The following ZNF813 variants were observed in gnomAD, a reference collection of about 807,000 sequenced individuals.
The protein encoded by ZNF813 is zinc finger protein 813.
In ZNF813, 3 loss-of-function variants were observed where a neutral mutation model predicts 7.2. The ratio of observed to expected loss-of-function variants is 0.42; its 90% CI spans 0.19 to 1.08. The LOEUF (loss-of-function observed/expected upper bound fraction) is 1.08, where lower values mean the gene tolerates loss of function less well. Ranked by LOEUF, ZNF813 falls within the 50% of genes least tolerant of loss-of-function variation. The pLI, the probability that ZNF813 is intolerant of heterozygous loss-of-function variation, is 0.30. For missense variants in ZNF813, 714 were observed against 753.3 expected (o/e 0.95, Z 0.61); for synonymous variants, 227 against 256.3 (o/e 0.89, Z 1.09).
At chr19:53,472,629 T>TTTTTTTTTA (rs2086365100) in intron 1 of ZNF813, among the ~76,000 whole-genome samples, 1 of 149,736 alleles carries the variant, frequency 6.7e-6, no homozygotes, top group African/African-American at 2.5e-5. Flanking sequence ...TTTTTTTTTT[T>TTTTTTTTTA]GAGATGGAGT....
chr19:53,492,153 G>A lies in ZNF813; in HGVS notation c.*67G>A. 2 of 1,553,990 alleles carry A rather than the reference G, an allele frequency of 1.3e-6. No homozygotes were observed. The highest frequency in any genetic ancestry group is 3.9e-5 in the Admixed American group (2 of 51,170). ...GAAACAAGTGCAATGAGTGTGGCAA[G>A]ACCTTCTGTCACAATTCAGTCCTTG... On this transcript the variant is annotated 3_prime_UTR_variant, in exon 4 of 4. Transcript: ENST00000396403.
chr19:53,489,512 G>C (rs2086449230), intron 3 of ZNF813, among the ~76,000 whole-genome samples: 1 of 150,918 alleles, frequency 6.6e-6, no homozygotes, highest in Non-Finnish European at 1.5e-5. Flanking sequence ...TGAGGCAAGA[G>C]AATGGCTTGA....
chr19:53,470,697 C>G (rs34036177), intron 1 of ZNF813, among the ~76,000 whole-genome samples: 18,856 of 140,340 alleles, frequency 0.13, 1,709 homozygotes, highest in South Asian at 0.18. Flanking sequence ...TCTACTTTGT[C>G]TAAGTCTGGA....
Position 53,482,706 on chromosome 19 carries a change from CTTTTTGTTTT to C in ZNF813, c.-73-1038_-73-1029del, listed in dbSNP as rs1489646863. On this transcript the variant is annotated intron_variant, in intron 1 of 3. Transcript: ENST00000396403. Reference sequence around the variant, plus strand: ...CTCTGCATCAATCACATCAGGAATGCTTTTTGTTTTTTTTTTTTTTTTTTTTTTTTTTTGA... The same window carrying C: ...CTCTGCATCAATCACATCAGGAATGCTTTTTTTTTTTTTTTTTTTTTTTGA... Among the ~76,000 whole-genome samples, 224 of 91,478 alleles carry C rather than the reference CTTTTTGTTTT, an allele frequency of 2.4e-3. 7 individuals are homozygous for C. The highest frequency in any genetic ancestry group is 8.4e-3 in the African/African-American group (216 of 25,720). 60.0% of individuals were successfully genotyped at this position (91,478 alleles called of 152,430 possible). A position where few individuals can be genotyped will look rare whatever the true frequency, so the allele number is the denominator to read the frequency against.
Position 53,492,407 on chromosome 19 carries a change from A to T in ZNF813, c.*321A>T, listed in dbSNP as rs1001346972. ...GAAGAATATCACAGAGTTTTCAGTCACAAGTCAAACCTTGAAAGACATAAA... is the reference window on the plus strand; with the variant it reads ...GAAGAATATCACAGAGTTTTCAGTCTCAAGTCAAACCTTGAAAGACATAAA... On this transcript the variant is annotated 3_prime_UTR_variant, in exon 4 of 4. Coordinates refer to ENST00000396403, the MANE Select transcript of ZNF813 (RefSeq NM_001004301.4). 4 of 470,772 alleles carry T rather than the reference A, an allele frequency of 8.5e-6. No homozygotes were observed. Among genetic ancestry groups the T allele is most frequent in the Non-Finnish European group, 1.6e-5 (4 of 253,708 alleles). 29.2% of individuals were successfully genotyped at this position (470,772 alleles called of 1,614,324 possible).
At chr19:53,485,126 A>T (rs1423393840) in intron 2 of ZNF813, among the ~76,000 whole-genome samples, 2 of 151,470 alleles carry the variant, frequency 1.3e-5, no homozygotes, top group Admixed American at 6.6e-5. Flanking sequence ...GCTGTAAATT[A>T]AAAAAAAATA....
At chr19:53,469,299 A>G (rs1308475739) in intron 1 of ZNF813, among the ~76,000 whole-genome samples, 3 of 152,152 alleles carry the variant, frequency 2.0e-5, no homozygotes, top group African/African-American at 7.2e-5. Flanking sequence ...ACAAAGTAAC[A>G]GTCTGATTTC....
rs2086472270 is a variant in ZNF813 at position 53,493,274 on chromosome 19, T to G, written c.*1188T>G. ...AAAAACTGATAGGGATTTTTATGGG[T>G]ACCGTGTTGAATCTAAATCACATTG... On this transcript the variant is annotated 3_prime_UTR_variant, in exon 4 of 4. Transcript: ENST00000396403. The G allele has an allele frequency of 5.5e-6, 1 of 183,106 alleles. No homozygotes were observed. The highest frequency in any genetic ancestry group is 5.7e-5 in the Admixed American group (1 of 17,616). 11.3% of individuals were successfully genotyped at this position (183,106 alleles called of 1,614,324 possible). A position where few individuals can be genotyped will look rare whatever the true frequency, so the allele number is the denominator to read the frequency against.
chr19:53,481,091 A>G (rs1380685174), intron 1 of ZNF813, among the ~76,000 whole-genome samples: 1 of 152,076 alleles, frequency 6.6e-6, no homozygotes, highest in Non-Finnish European at 1.5e-5. Context: ...ATTTATATGG[A>G]ACATGTTCTG....
At chr19:53,479,304 T>C in intron 1 of ZNF813, 9 of 1,569,902 alleles carry the variant, frequency 5.7e-6, no homozygotes, top group Non-Finnish European at 7.8e-6. Flanking sequence ...CAATGCCGAA[T>C]GGAGGAGGCA....
chr19:53,480,304 G>A (rs2147157921), intron 1 of ZNF813: 2 of 699,954 alleles, frequency 2.9e-6, no homozygotes, highest in South Asian at 1.4e-5. Context: ...GAGAACCTTT[G>A]CAAACAACAT....
intron 1 of ZNF813, among the ~76,000 whole-genome samples, chr19:53,469,549 G>GA (rs1202701424): frequency 1.3e-5 from 2 of 151,894 alleles, no homozygotes; most frequent in Admixed American, 1.3e-4. Flanking sequence ...CAACGAAAGT[G>GA]AAAAAAATAT....
At chr19:53,481,341 A>ATTTTTTTT (rs1180229389) in intron 1 of ZNF813, among the ~76,000 whole-genome samples, 3 of 89,210 alleles carry the variant, frequency 3.4e-5, no homozygotes, top group African/African-American at 1.8e-4. Context: ...GCACCCATGT[A>ATTTTTTTT]TTCTTTTTTT....
Position 53,490,964 on chromosome 19 carries a change from AT to A in ZNF813, c.733del (p.Cys245ValfsTer14). 6.2e-7 allele frequency: 1 copy of A among 1,614,194 alleles called. No individual in the cohort carries two copies. The highest frequency in any genetic ancestry group is 8.5e-7 in the Non-Finnish European group (1 of 1,180,022). ...TCCATTTAGGAGAGAAACAATATAA[AT>A]GTGATGTATGTGGCAAGGTCTTTAA... is the stretch of plus-strand genomic sequence containing the variant. ...IIHLGEKQYK[C>X]DVCGKVFNRK... is the part of the protein sequence containing the mutation. On this transcript the variant is annotated frameshift_variant, in exon 4 of 4. Coordinates refer to ENST00000396403, the MANE Select transcript of ZNF813 (RefSeq NM_001004301.4). LOFTEE classifies it low-confidence loss of function (END_TRUNC).
Position 53,469,145 on chromosome 19 carries a change from A to G in ZNF813, c.-74+1356A>G, listed in dbSNP as rs146971087. On this transcript the variant is annotated intron_variant, in intron 1 of 3. Transcript: ENST00000396403. ...GCACACCCTGCACAGCCCTAAATCCATTAAACCTTGATTCAATACAGCACA... is the reference window on the plus strand; with the variant it reads ...GCACACCCTGCACAGCCCTAAATCCGTTAAACCTTGATTCAATACAGCACA... 8.1e-3 allele frequency among the ~76,000 whole-genome samples: 1,240 copies of G among 152,326 alleles called. 14 individuals are homozygous for G. The highest frequency in any genetic ancestry group is 0.028 in the African/African-American group (1,174 of 41,568).
chr19:53,474,257 C>T (rs1392875743), intron 1 of ZNF813, among the ~76,000 whole-genome samples: 3 of 152,190 alleles, frequency 2.0e-5, no homozygotes, highest in Non-Finnish European at 4.4e-5. Flanking sequence ...AGTTTATAAC[C>T]AAGTTTTCAC....
intron 1 of ZNF813, among the ~76,000 whole-genome samples, chr19:53,483,023 C>T (rs1399190083): frequency 6.6e-6 from 1 of 151,992 alleles, no homozygotes; most frequent in Non-Finnish European, 1.5e-5. Flanking sequence ...AGTGATTCTC[C>T]TGCCTCAGCC....
rs2086469143 is a variant in ZNF813 at position 53,492,583 on chromosome 19, A to G, written c.*497A>G. The G allele has an allele frequency of 9.6e-6, 6 of 622,906 alleles. No homozygotes were observed. The East Asian group carries it at 2.6e-4, about 27-fold the overall frequency. The allele number at this position is 622,906 out of a possible 1,614,324, so 38.6% of individuals were successfully genotyped here. On this transcript the variant is annotated 3_prime_UTR_variant, in exon 4 of 4. Coordinates refer to ENST00000396403, the MANE Select transcript of ZNF813 (RefSeq NM_001004301.4). ...CTGGCAAAGCCTTAATGAGCAGTCA[A>G]CACTTACTCACCATCAGGCAATCCA...
intron 2 of ZNF813, among the ~76,000 whole-genome samples, chr19:53,485,703 T>C (rs2086430587): frequency 6.6e-6 from 1 of 151,840 alleles, no homozygotes; most frequent in African/African-American, 2.4e-5. Flanking sequence ...AGAAATCTAG[T>C]TTTCATGTAT....
Sources: gnomAD v4.1 joint callset for allele counts (sites outside exome capture counted in the v4.1 genomes callset) on GRCh38, gnomAD v4.1.1 for gene constraint, MANE v1.5 for transcripts, NCBI Gene and HGNC (gene_info 2026-07-23, HGNC 2026-07-21) for gene names.